The following SYTL5 variants were observed in gnomAD, a reference collection of about 807,000 sequenced individuals.
The protein encoded by SYTL5 is synaptotagmin-like protein 5.
In SYTL5, 34 loss-of-function variants were observed where a neutral mutation model predicts 55.9. The observed-to-expected ratio is 0.61, with a 90% CI of 0.46 to 0.81. The LOEUF is 0.81. Among genes scored for constraint, SYTL5 ranks in the 30% least tolerant of loss-of-function variants. SYTL5 has a pLI of 0.00. For missense variants in SYTL5, 637 were observed against 546.7 expected (o/e 1.17, Z -1.65); for synonymous variants, 221 against 188.7 (o/e 1.17, Z -1.40).
At chrX:38,037,075 T>C (rs1355488927) in intron 2 of SYTL5, among the ~76,000 whole-genome samples, 2 of 111,414 alleles carry the variant, frequency 1.8e-5, no homozygotes, top group Non-Finnish European at 3.8e-5. Flanking sequence ...AAGTACAAAA[T>C]TACCTTCGGG....
the SYTL5 span, among the ~76,000 whole-genome samples, chrX:37,965,014 T>C: frequency 9.0e-6 from 1 of 111,127 alleles, no homozygotes; most frequent in Non-Finnish European, 1.9e-5. Context: ...GTGAATTTTA[T>C]CTTTCCATAA....
the SYTL5 span, among the ~76,000 whole-genome samples, chrX:37,903,614 T>C: frequency 6.9e-4 from 70 of 100,748 alleles, no homozygotes; most frequent in African/African-American, 7.7e-4. Context: ...GACGAGTTAA[T>C]GGGTGCAGCA....
rs187009472 is a variant in SYTL5 at position 38,094,377 on chromosome X, C to T, written c.914C>T (p.Thr305Ile). ...QELTKSHRRN[T>I]SGTPSIAVSG... The stretch of plus-strand genomic sequence containing the variant: ...CTCACAAAGAGTCACCGCAGAAACA[C>T]TTCTGGCACACCTTCCATAGCAGTG... Residue 305 changes from threonine (T) to isoleucine (I), a missense_variant, in exon 8 of 17, where the codon ACT becomes ATT. Coordinates refer to ENST00000297875, the MANE Select transcript of SYTL5 (RefSeq NM_138780.3). The T allele has an allele frequency of 5.8e-6, 7 of 1,204,596 alleles. No individual in the cohort carries two copies. The highest frequency in any genetic ancestry group is 7.9e-6 in the Non-Finnish European group (7 of 891,537).
At chrX:38,008,893 T>C (rs112789735) in intron 1 of SYTL5, among the ~76,000 whole-genome samples, 217 of 112,176 alleles carry the variant, frequency 1.9e-3, no homozygotes, top group African/African-American at 6.8e-3. Context: ...GCACTGAAGT[T>C]ACAGTAGGGA....
At chrX:37,928,869 G>A in the SYTL5 span, among the ~76,000 whole-genome samples, 1 of 111,739 alleles carries the variant, frequency 8.9e-6, no homozygotes, top group African/African-American at 3.2e-5. Flanking sequence ...TTCTTATCCG[G>A]AAGGTGGAAT....
At position 38,102,366 on chromosome X, in the gene SYTL5, A is replaced by T; in HGVS notation, c.1087A>T (p.Ser363Cys). The T allele has an allele frequency of 8.3e-7, 1 of 1,207,968 alleles. No homozygotes were observed. The highest frequency in any genetic ancestry group is 1.1e-6 in the Non-Finnish European group (1 of 892,275). ...DKDSLEETEE[S>C]IDALVSSQLS... ...GGACTCCTTGGAAGAGACTGAAGAA[A>T]GCATTGATGCCTTAGTGTCCTCGCA... is the stretch of plus-strand genomic sequence containing the variant. Residue 363 changes from serine to cysteine, a missense_variant, in exon 10 of 17, where the codon AGC becomes TGC. Ser to Cys is a moderately radical substitution (Grantham distance 112). Coordinates refer to ENST00000297875, the MANE Select transcript of SYTL5 (RefSeq NM_138780.3).
At chrX:38,063,336 T>C (rs140319519) in intron 3 of SYTL5, among the ~76,000 whole-genome samples, 1,273 of 111,965 alleles carry the variant, frequency 0.011, 9 homozygotes, top group Non-Finnish European at 0.018. Flanking sequence ...TGACATGCTA[T>C]TTTGCATCAA....
chrX:38,087,175 A>C (rs1454882274), intron 6 of SYTL5, among the ~76,000 whole-genome samples: 4 of 111,435 alleles, frequency 3.6e-5, no homozygotes, highest in Non-Finnish European at 7.5e-5. Flanking sequence ...CATTTCTGCA[A>C]GATTGACCCC....
intron 10 of SYTL5, chrX:38,102,967 T>A (rs1329902221): frequency 1.9e-5 from 17 of 893,154 alleles, no homozygotes; most frequent in Non-Finnish European, 2.7e-5. Context: ...TCTTGGCTTC[T>A]CTGATTTCTG....
intron 1 of SYTL5, among the ~76,000 whole-genome samples, chrX:38,007,250 C>A (rs1199229008): frequency 9.0e-6 from 1 of 111,141 alleles, no homozygotes; most frequent in Non-Finnish European, 1.9e-5. Flanking sequence ...TCTGAAAAAC[C>A]TGGAATAATT....
chrX:37,987,697 A>G, the SYTL5 span, among the ~76,000 whole-genome samples: 2 of 111,891 alleles, frequency 1.8e-5, no homozygotes, highest in Non-Finnish European at 1.9e-5. Context: ...CCAACAGCTC[A>G]TACCATTTAA....
chrX:37,936,046 T>C, the SYTL5 span, among the ~76,000 whole-genome samples: 1 of 111,710 alleles, frequency 9.0e-6, no homozygotes, highest in Non-Finnish European at 1.9e-5. Flanking sequence ...ACCATGCAAA[T>C]AGTAATCAAA....
the SYTL5 span, among the ~76,000 whole-genome samples, chrX:37,908,131 A>G: frequency 9.2e-6 from 1 of 108,981 alleles, no homozygotes; most frequent in Non-Finnish European, 1.9e-5. Flanking sequence ...GAAAAAAAAA[A>G]AAAACAAAGA....
At chrX:38,074,972 C>G (rs1936353207) in intron 5 of SYTL5, among the ~76,000 whole-genome samples, 1 of 110,571 alleles carries the variant, frequency 9.0e-6, no homozygotes, top group African/African-American at 3.3e-5. Context: ...AGTGGTAGAC[C>G]AGTGGTTTCT....
At chrX:38,072,306 T>C (rs779499810) in intron 4 of SYTL5, 144 bp downstream of exon 4, 1 of 421,931 alleles carries the variant, frequency 2.4e-6, no homozygotes, top group Non-Finnish European at 4.1e-6. Context: ...GCATGAAATC[T>C]AGATACGTAA....
chrX:38,105,131 T>C (rs1242106604), intron 10 of SYTL5, among the ~76,000 whole-genome samples: 2 of 112,663 alleles, frequency 1.8e-5, no homozygotes, highest in Non-Finnish European at 3.8e-5. Flanking sequence ...GCAAGTAGCA[T>C]CTGCAGTGTG....
chrX:37,949,267 C>G, the SYTL5 span: 3 of 111,559 alleles, frequency 2.7e-5, no homozygotes, highest in Non-Finnish European at 3.8e-5. Context: ...ATACTTGCAG[C>G]TAGGAAGAGC....
At chrX:37,971,327 T>G in the SYTL5 span, among the ~76,000 whole-genome samples, 126 of 111,436 alleles carry the variant, frequency 1.1e-3, 3 homozygotes, top group South Asian at 0.043. Flanking sequence ...TAGCAAAGTT[T>G]ACATCATAAG....
chrX:38,068,087 G>A (rs1369933078), intron 3 of SYTL5, among the ~76,000 whole-genome samples: 1 of 111,301 alleles, frequency 9.0e-6, no homozygotes, highest in Non-Finnish European at 1.9e-5. Flanking sequence ...AAGCAAAGAA[G>A]CAAATAATCC....
Sources: gnomAD v4.1 joint callset for allele counts (sites outside exome capture counted in the v4.1 genomes callset) on GRCh38, gnomAD v4.1.1 for gene constraint, MANE v1.5 for transcripts, NCBI Gene and HGNC (gene_info 2026-07-23, HGNC 2026-07-21) for gene names.